Variants in ODF2 observed in about 807,000 individuals in gnomAD.
ODF2 encodes the protein outer dense fiber protein 2.
ODF2 carries 47 observed loss-of-function variants against 110.2 expected under a neutral mutation model. That is an observed-to-expected ratio of 0.43 (90% CI 0.34 to 0.54). The LOEUF is 0.54. Ranked by LOEUF, ODF2 falls within the 20% of genes least tolerant of loss-of-function variation. The probability of loss-of-function intolerance (pLI) is 0.03; values close to 1 mark genes in which losing one functional copy is unlikely to be tolerated. For missense variants in ODF2, 812 were observed against 1,054.5 expected (o/e 0.77, Z 3.19); for synonymous variants, 352 against 397.7 (o/e 0.89, Z 1.37).
intron 8 of ODF2, among the ~76,000 whole-genome samples, chr9:128,476,636 T>C (rs1457275779): frequency 6.6e-6 from 1 of 151,272 alleles, no homozygotes; most frequent in African/African-American, 2.4e-5. Context: ...AACCTTGTTT[T>C]TATCTTTTTT....
At chr9:128,474,769 T>C (rs1357431785) in intron 8 of ODF2, among the ~76,000 whole-genome samples, 1 of 151,962 alleles carries the variant, frequency 6.6e-6, no homozygotes, top group African/African-American at 2.4e-5. Context: ...CGAGACCTGC[T>C]TGGCCAACGT....
rs1299274948 is a variant in ODF2 at position 128,494,840 on chromosome 9, C to G, written c.1911+172C>G. 1.3e-6 allele frequency: 2 copies of G among 1,497,674 alleles called. No individual in the cohort carries two copies. The highest frequency in any genetic ancestry group is 1.8e-6 in the Non-Finnish European group (2 of 1,124,064). 92.8% of individuals were successfully genotyped at this position (1,497,674 alleles called of 1,614,324 possible). ...AATAAAAGTCTGGTGTGCCAAATGC[C>G]ATGTGTTTGCACAAAGTGATTGTAG... On this transcript the variant is annotated intron_variant, in intron 17 of 20. Coordinates refer to ENST00000604420, the Ensembl canonical transcript of ODF2. The surrounding 1 kb of genome is among the most constrained non-coding windows in gnomAD (Gnocchi z 4.6).
At chr9:128,468,546 G>A (rs543473517) in intron 4 of ODF2, among the ~76,000 whole-genome samples, 1 of 151,696 alleles carries the variant, frequency 6.6e-6, no homozygotes, top group South Asian at 2.1e-4. Context: ...TTTTTTAGAA[G>A]GAGTTTCGTT....
At chr9:128,475,323 A>C (rs913650706) in intron 8 of ODF2, among the ~76,000 whole-genome samples, 1 of 137,854 alleles carries the variant, frequency 7.3e-6, no homozygotes, top group Admixed American at 7.1e-5. Flanking sequence ...ATGAATACCA[A>C]GGGATGACTG....
At chr9:128,457,435 C>T in exon 2 of ODF2, 2 of 1,610,810 alleles carry the variant, frequency 1.2e-6, no homozygotes, top group South Asian at 2.2e-5. Context: ...GCGGCTCCCC[C>T]AGGTATTGCC....
intron 4 of ODF2, chr9:128,468,812 A>T (rs10819388): frequency 5.8e-6 from 1 of 172,878 alleles, no homozygotes; most frequent in East Asian, 1.7e-4. Context: ...GTGAGCCACC[A>T]TGCCCAGCGC....
rs1839664103 is a variant in ODF2 at position 128,470,330 on chromosome 9, C to G, written c.420+977C>G. On this transcript the variant is annotated intron_variant, in intron 5 of 20. Coordinates refer to ENST00000604420, the Ensembl canonical transcript of ODF2. ...CTCCTGGAGAACCTAGGGCTGGCTG[C>G]CTAGAATAGGCCCTTCTTGGCCAGG... 2.0e-5 allele frequency among the ~76,000 whole-genome samples: 3 copies of G among 151,568 alleles called. No individual in the cohort carries two copies. The South Asian group carries it at 6.3e-4, about 32-fold the overall frequency.
intron 4 of ODF2, among the ~76,000 whole-genome samples, chr9:128,465,028 A>T (rs1002863525): frequency 6.6e-6 from 1 of 152,136 alleles, no homozygotes; most frequent in Non-Finnish European, 1.5e-5. Flanking sequence ...CATCACAGAG[A>T]TGCTGCTATG....
Position 128,482,728 on chromosome 9 carries a change from T to C in ODF2, c.916-88T>C, listed in dbSNP as rs536754558. 1.0e-5 allele frequency: 10 copies of C among 956,158 alleles called. No homozygotes were observed. The East Asian group carries it at 2.4e-4, about 23-fold the overall frequency. 59.2% of individuals were successfully genotyped at this position (956,158 alleles called of 1,614,324 possible). A position where few individuals can be genotyped will look rare whatever the true frequency, so the allele number is the denominator to read the frequency against. ...ATGTATGTAGGACCTTGGGCCCCAG[T>C]GGCCAGGTACTCACAAATCTCTGTC... On this transcript the variant is annotated intron_variant, in intron 9 of 20. Coordinates refer to ENST00000604420, the Ensembl canonical transcript of ODF2.
chr9:128,494,835 A>G lies in ODF2; in HGVS notation c.1911+167A>G, dbSNP rs1845309447. 1 of 1,507,686 alleles carries G rather than the reference A, an allele frequency of 6.6e-7. No individual in the cohort carries two copies. Among genetic ancestry groups the G allele is most frequent in the East Asian group, 2.5e-5 (1 of 40,644 alleles). The allele number at this position is 1,507,686 out of a possible 1,614,324, so 93.4% of individuals were successfully genotyped here. ...TGTGAAATAAAAGTCTGGTGTGCCA[A>G]ATGCCATGTGTTTGCACAAAGTGAT... On this transcript the variant is annotated intron_variant, in intron 17 of 20. Coordinates refer to ENST00000604420, the Ensembl canonical transcript of ODF2. The surrounding 1 kb of genome is among the most constrained non-coding windows in gnomAD (Gnocchi z 4.6).
intron 1 of ODF2, chr9:128,456,660 C>T: frequency 6.8e-7 from 1 of 1,472,742 alleles, no homozygotes; most frequent in Non-Finnish European, 9.0e-7. Context: ...ACCGCCTCGT[C>T]CTCTCCTCGG....
intron 4 of ODF2, among the ~76,000 whole-genome samples, chr9:128,467,374 T>TA (rs1286213183): frequency 6.6e-6 from 1 of 152,110 alleles, no homozygotes; most frequent in East Asian, 1.9e-4. Context: ...ACTGAAATGT[T>TA]ACGTGGCACA....
chr9:128,487,861 C>CT (rs745307748), intron 13 of ODF2, 29 bp from the exon 14 acceptor site: 2 of 1,612,558 alleles, frequency 1.2e-6, no homozygotes, highest in South Asian at 2.2e-5. Context: ...TTGATTCTCT[C>CT]TGTCTGCTTT....
At chr9:128,464,038 T>C (rs1220920942) in intron 4 of ODF2, among the ~76,000 whole-genome samples, 1 of 150,966 alleles carries the variant, frequency 6.6e-6, no homozygotes, top group Non-Finnish European at 1.5e-5. Context: ...AGAGACGGGG[T>C]TTTGCTATGT....
At chr9:128,457,750 C>T (rs1835284140) in intron 2 of ODF2, among the ~76,000 whole-genome samples, 1 of 151,934 alleles carries the variant, frequency 6.6e-6, no homozygotes, top group African/African-American at 2.4e-5. Context: ...AAATAAATAA[C>T]ACGTAGGAGG....
chr9:128,462,749 G>C (rs1486779007), intron 4 of ODF2, among the ~76,000 whole-genome samples: 1 of 151,932 alleles, frequency 6.6e-6, no homozygotes, highest in Admixed American at 6.6e-5. Flanking sequence ...ATAAGTGCCC[G>C]CCACCATGCC....
In ODF2 at chr9:128,489,713, G is replaced by A. The variant is rs572390545; in HGVS notation, c.1536+1688G>A. Among the ~76,000 whole-genome samples the A allele has an allele frequency of 2.6e-5, 4 of 152,260 alleles. No individual in the cohort carries two copies. The South Asian group carries it at 8.3e-4, about 32-fold the overall frequency. On this transcript the variant is annotated intron_variant, in intron 14 of 20. Transcript: ENST00000604420. ...GTCTTTAGGTGTACACATTTGGTGCGTCTTTATTGTTTATATACCTTGAAG... is the reference window on the plus strand; with the variant it reads ...GTCTTTAGGTGTACACATTTGGTGCATCTTTATTGTTTATATACCTTGAAG...
exon 14 of ODF2, chr9:128,487,938 G>A (rs1293279197): frequency 6.2e-7 from 1 of 1,614,032 alleles, no homozygotes; most frequent in Non-Finnish European, 8.5e-7. Context: ...AGGAGAAGAT[G>A]CGGGAAGACC....
chr9:128,483,917 A>G (rs765293340), intron 10 of ODF2, 21 bp from the exon 11 acceptor site: 1 of 1,559,722 alleles, frequency 6.4e-7, no homozygotes, highest in South Asian at 1.1e-5. Flanking sequence ...TGCCTCCATC[A>G]CTTTTTCCGT....
Sources: allele counts gnomAD v4.1 joint callset (sites outside exome capture counted in the v4.1 genomes callset), GRCh38; gene constraint gnomAD v4.1.1; non-coding constraint Gnocchi (gnomAD v3.1); transcripts MANE v1.5; gene names NCBI Gene and HGNC (gene_info 2026-07-23, HGNC 2026-07-21).